The following NLRC5 variants were observed in gnomAD, a reference collection of about 807,000 sequenced individuals.
NLRC5 encodes the protein protein NLRC5.
A neutral mutation model predicts 206.9 loss-of-function variants in NLRC5; 114 were observed. That is an observed-to-expected ratio of 0.55 (90% CI 0.47 to 0.64). The LOEUF (loss-of-function observed/expected upper bound fraction) is 0.64. Among genes scored for constraint, NLRC5 ranks in the 30% least tolerant of loss-of-function variants. The pLI is 0.00. For missense variants in NLRC5, 2,008 were observed against 2,305.5 expected, an observed-to-expected ratio of 0.87 and a Z score of 2.64; for synonymous variants, 952 against 962.8, an observed-to-expected ratio of 0.99 and a Z score of 0.21.
chr16:57,011,935 G>T (rs1195012745), intron 1 of NLRC5, among the ~76,000 whole-genome samples: 1 of 152,120 alleles, frequency 6.6e-6, no homozygotes, highest in Non-Finnish European at 1.5e-5. Flanking sequence ...ATCCATTTTA[G>T]GTGTAGGATT....
At chr16:56,999,251 A>G (rs2057982795) in intron 1 of NLRC5, among the ~76,000 whole-genome samples, 1 of 152,234 alleles carries the variant, frequency 6.6e-6, no homozygotes, top group Non-Finnish European at 1.5e-5. Flanking sequence ...TGTGAATTTC[A>G]GGGGAGCACA....
At chr16:56,999,760 C>T (rs890167099) in intron 1 of NLRC5, among the ~76,000 whole-genome samples, 4 of 152,232 alleles carry the variant, frequency 2.6e-5, no homozygotes, top group African/African-American at 7.2e-5. Flanking sequence ...AACTTGGTGG[C>T]CTTCCTGTCC....
At chr16:57,044,213 G>T (rs978599122) in intron 20 of NLRC5, among the ~76,000 whole-genome samples, 3 of 151,794 alleles carry the variant, frequency 2.0e-5, no homozygotes, top group Admixed American at 2.0e-4. Context: ...CAGGAGTCAG[G>T]AGAATCACTT....
At chr16:57,050,470 G>A (rs555310670) in intron 23 of NLRC5, among the ~76,000 whole-genome samples, 7 of 152,390 alleles carry the variant, frequency 4.6e-5, no homozygotes, top group Non-Finnish European at 8.8e-5. Flanking sequence ...GGAGAGGGGA[G>A]AGGGCAGCCT....
At position 57,065,180 on chromosome 16, in the gene NLRC5, G is replaced by A. The variant is rs767703751; in HGVS notation, c.4155-32G>A. 4 of 1,428,604 alleles carry A rather than the reference G, an allele frequency of 2.8e-6. No homozygotes were observed. In the Admixed American group the frequency reaches 6.5e-5, roughly 23 times the overall value. 88.5% of individuals were successfully genotyped at this position (1,428,604 alleles called of 1,614,324 possible). A position where few individuals can be genotyped will look rare whatever the true frequency, so the allele number is the denominator to read the frequency against. ...GCTGATTGTCTGCTGCTCACCTTGG[G>A]GGGGCCTTATCTGTGTCCCCTTCTG... On this transcript the variant is annotated intron_variant, in intron 32 of 48. Transcript: ENST00000688547.
intron 15 of NLRC5, among the ~76,000 whole-genome samples, chr16:57,037,718 G>A (rs577756108): frequency 5.3e-5 from 8 of 152,170 alleles, no homozygotes; most frequent in African/African-American, 1.9e-4. Flanking sequence ...ACTGACAAGT[G>A]ACATGCGACC....
intron 28 of NLRC5, among the ~76,000 whole-genome samples, chr16:57,058,758 G>A (rs1159297459): frequency 6.6e-6 from 1 of 152,260 alleles, no homozygotes; most frequent in African/African-American, 2.4e-5. Context: ...GGCAGGGTGA[G>A]TGCAGCGCTC....
At position 57,025,743 on chromosome 16, in the gene NLRC5, T is replaced by C. The variant is rs760643795; in HGVS notation, c.800T>C (p.Ile267Thr). Residue 267 changes from isoleucine to threonine, a missense_variant, in exon 6 of 49, where the codon ATC becomes ACC. Ile to Thr is a moderately conservative substitution (Grantham distance 89). Transcript: ENST00000688547. ...TTTGAATTCCGCCAGCTCAACTTGA[T>C]CACGAGGTTCCTGACACCGTCCGAG... is the stretch of plus-strand genomic sequence containing the variant. The part of the protein sequence containing the change: ...FLFEFRQLNL[I>T]TRFLTPSELL... 5 of 1,614,068 alleles carry C rather than the reference T, an allele frequency of 3.1e-6. No homozygotes were observed. The highest frequency in any genetic ancestry group is 3.4e-6 in the Non-Finnish European group (4 of 1,180,024).
intron 5 of NLRC5, among the ~76,000 whole-genome samples, chr16:57,024,718 A>G (rs1373266905): frequency 6.6e-6 from 1 of 152,180 alleles, no homozygotes; most frequent in African/African-American, 2.4e-5. Context: ...TCAATAAGAT[A>G]TTGCAAAGTA....
intron 8 of NLRC5, among the ~76,000 whole-genome samples, chr16:57,028,957 G>A (rs1317526413): frequency 3.3e-5 from 5 of 152,122 alleles, no homozygotes; most frequent in Admixed American, 1.3e-4. Flanking sequence ...GGGAGGAGTG[G>A]GACCAGTGAC....
intron 1 of NLRC5, among the ~76,000 whole-genome samples, chr16:57,015,925 C>CAAAAAAAAAAA (rs35216159): frequency 1.3e-4 from 5 of 39,638 alleles, no homozygotes; most frequent in African/African-American, 3.4e-4. Context: ...AACTCCATCT[C>CAAAAAAAAAAA]AAAAAAAAAA....
chr16:57,059,377 G>A lies in NLRC5; in HGVS notation c.3921-90G>A, dbSNP rs116324558. ...CCCTTGTCCTTGTGGGTGCAGCCCC[G>A]CTTCCCTCTCTGTGCCCTGTGGGTG... On this transcript the variant is annotated intron_variant, in intron 29 of 48. Transcript: ENST00000688547. 3.5e-4 allele frequency: 540 copies of A among 1,533,554 alleles called. 3 individuals are homozygous for A. The Middle Eastern group carries it at 6.4e-3, about 18-fold the overall frequency. 95.0% of individuals were successfully genotyped at this position (1,533,554 alleles called of 1,614,324 possible).
chr16:57,061,748 G>C, intron 32 of NLRC5, 47 bp downstream of exon 32: 1 of 1,581,246 alleles, frequency 6.3e-7, no homozygotes, highest in South Asian at 1.1e-5. Flanking sequence ...GCATGAATGG[G>C]AGCAGGGGTG....
At chr16:56,993,182 T>C (rs60169561) in intron 1 of NLRC5, among the ~76,000 whole-genome samples, 37,755 of 144,910 alleles carry the variant, frequency 0.26, 5,449 homozygotes, top group East Asian at 0.39. Context: ...CACACACACA[T>C]GTGTACTTTT....
Position 57,028,383 on chromosome 16 carries a change from C to G in NLRC5, c.2241C>G (p.Val747=), listed in dbSNP as rs759566590. The change falls in exon 8 of 49, where the codon GTC becomes GTG. Residue 747 remains valine (V), a splice_region_variant and synonymous_variant. Coordinates refer to ENST00000688547, the MANE Select transcript of NLRC5 (RefSeq NM_001384950.1). The part of the protein sequence containing the change: ...ALPLCPQLKE[V]SFRDNQLSDQ... ...CTCTCTGTCCACAGCTGAAAGAAGT[C>G]AGGTGAGTGATCTCCAGGAGGGCTC... The G allele has an allele frequency of 6.8e-6, 11 of 1,613,474 alleles. No homozygotes were observed. Among genetic ancestry groups the G allele is most frequent in the Non-Finnish European group, 5.1e-6 (6 of 1,179,396 alleles).
At chr16:56,997,874 C>T (rs1426087364) in intron 1 of NLRC5, among the ~76,000 whole-genome samples, 1 of 152,190 alleles carries the variant, frequency 6.6e-6, no homozygotes. Flanking sequence ...AGCCACTATG[C>T]CCAGCATTAG....
intron 46 of NLRC5, 61 bp downstream of exon 46, chr16:57,079,690 G>T (rs1365949513): frequency 1.4e-6 from 2 of 1,445,528 alleles, no homozygotes; most frequent in Non-Finnish European, 1.9e-6. Context: ...GGGGTCGGGG[G>T]AGTTGGCTCC....
intron 1 of NLRC5, among the ~76,000 whole-genome samples, chr16:57,005,499 A>T (rs62908460): frequency 4.8e-4 from 2 of 4,186 alleles, no homozygotes; most frequent in South Asian, 5.5e-3. Flanking sequence ...TCTTAATATT[A>T]AAAAAAAAAA....
rs1460219185 is a variant in NLRC5, at chr16:57,079,585, C to G, written c.5277C>G (p.Leu1759=). Residue 1759 remains leucine, a synonymous_variant, in exon 46 of 49, where the codon CTC becomes CTG. Coordinates refer to ENST00000688547, the MANE Select transcript of NLRC5 (RefSeq NM_001384950.1). ...SCKIDNQTAK[L]LTSSFTSCPA... ...AGATTGACAACCAGACTGCCAAGCT[C>G]CTCACCTCCAGCTTCACGAGCTGCC... 1 of 1,614,004 alleles carries G rather than the reference C, an allele frequency of 6.2e-7. No homozygotes were observed. Among genetic ancestry groups the G allele is most frequent in the African/African-American group, 1.3e-5 (1 of 74,914 alleles).
Sources: gnomAD v4.1 joint callset for allele counts (sites outside exome capture counted in the v4.1 genomes callset) on GRCh38, gnomAD v4.1.1 for gene constraint, MANE v1.5 for transcripts, NCBI Gene and HGNC (gene_info 2026-07-23, HGNC 2026-07-21) for gene names.